Variants in ZC3H12B observed in about 807,000 individuals in gnomAD.
ZC3H12B encodes the protein probable ribonuclease ZC3H12B.
A neutral mutation model predicts 43.9 loss-of-function variants in ZC3H12B; 7 were observed. The observed-to-expected ratio is 0.16, with a 90% CI of 0.09 to 0.30. The LOEUF (loss-of-function observed/expected upper bound fraction) is 0.30. ZC3H12B is among the 10% of genes least tolerant of loss of function. The pLI, the probability that ZC3H12B is intolerant of heterozygous loss-of-function variation, is 1.00. For synonymous variants in ZC3H12B, 222 were observed against 241.7 expected, an observed-to-expected ratio of 0.92 and a Z score of 0.76; for missense variants, 475 against 670.2, an observed-to-expected ratio of 0.71 and a Z score of 3.22.
the ZC3H12B span, among the ~76,000 whole-genome samples, chrX:65,085,630 G>A: frequency 9.1e-6 from 1 of 109,971 alleles, no homozygotes; most frequent in Non-Finnish European, 1.9e-5. Context: ...AAATTAGCCA[G>A]GCCTGGTTTG....
intron 2 of ZC3H12B, among the ~76,000 whole-genome samples, chrX:65,374,099 C>CTATATAGTTATATATAACTA (rs2066308480): frequency 1.8e-5 from 1 of 56,306 alleles, no homozygotes; most frequent in African/African-American, 1.3e-4. Context: ...ATATATATAA[C>CTATATAGTTATATATAACTA]TATATATAGG....
At chrX:65,187,626 G>A in the ZC3H12B span, among the ~76,000 whole-genome samples, 1 of 108,377 alleles carries the variant, frequency 9.2e-6, no homozygotes, top group Non-Finnish European at 1.9e-5. Context: ...TTTTGCACCA[G>A]CCCAACCTAA....
At chrX:65,461,200 G>C (rs1412369570) in intron 3 of ZC3H12B, among the ~76,000 whole-genome samples, 1 of 111,916 alleles carries the variant, frequency 8.9e-6, no homozygotes, top group African/African-American at 3.2e-5. Flanking sequence ...AAAAAGTCAG[G>C]AAACAACAGG....
At chrX:65,140,528 G>A in the ZC3H12B span, among the ~76,000 whole-genome samples, 2 of 111,615 alleles carry the variant, frequency 1.8e-5, no homozygotes, top group Non-Finnish European at 3.8e-5. Flanking sequence ...TTACATCTAT[G>A]TTCATCAGAG....
At chrX:65,328,362 G>C in the ZC3H12B span, 2 of 238,546 alleles carry the variant, frequency 8.4e-6, no homozygotes, top group South Asian at 1.2e-4. Flanking sequence ...CTTGTAATTT[G>C]CATGATCCTT....
At chrX:65,362,619 C>T (rs1674467362), upstream of ZC3H12B, among the ~76,000 whole-genome samples, 2 of 110,389 alleles carry the variant, frequency 1.8e-5, no homozygotes, top group Non-Finnish European at 3.8e-5. Flanking sequence ...TCTACTCCCT[C>T]CCTGGCAACC....
chrX:65,224,050 C>T, the ZC3H12B span, among the ~76,000 whole-genome samples: 5 of 112,088 alleles, frequency 4.5e-5, no homozygotes, highest in African/African-American at 9.7e-5. Flanking sequence ...TGGAACCAGA[C>T]CAAATGCCCA....
the ZC3H12B span, chrX:65,187,107 C>A: frequency 2.7e-5 from 3 of 112,038 alleles, no homozygotes; most frequent in African/African-American, 9.7e-5. Context: ...GGAATCTCCC[C>A]ACTGTTTTTC....
At chrX:65,249,422 T>C in the ZC3H12B span, among the ~76,000 whole-genome samples, 2 of 112,346 alleles carry the variant, frequency 1.8e-5, no homozygotes. Context: ...GTCTAATTGG[T>C]ACTTTTATAC....
chrX:65,268,822 A>T, the ZC3H12B span, among the ~76,000 whole-genome samples: 1 of 112,118 alleles, frequency 8.9e-6, no homozygotes, highest in East Asian at 2.8e-4. Context: ...TTTCACTAGG[A>T]TATAATACAA....
chrX:65,294,286 C>G, the ZC3H12B span, among the ~76,000 whole-genome samples: 3 of 111,533 alleles, frequency 2.7e-5, no homozygotes, highest in South Asian at 1.1e-3. Flanking sequence ...GATATAGTCC[C>G]TTTCAGAAAA....
the ZC3H12B span, among the ~76,000 whole-genome samples, chrX:65,120,039 G>C: frequency 1.7e-4 from 19 of 111,869 alleles, no homozygotes; most frequent in African/African-American, 6.2e-4. Context: ...ATGCTGTTTT[G>C]GTTACTGTAG....
At chrX:65,385,266 T>C (rs2066505902) in intron 2 of ZC3H12B, among the ~76,000 whole-genome samples, 1 of 112,239 alleles carries the variant, frequency 8.9e-6, no homozygotes, top group Non-Finnish European at 1.9e-5. Flanking sequence ...CGATTTTGAT[T>C]CTTTCTATCC....
chrX:65,186,257 CGAG>C, the ZC3H12B span: 1 of 110,479 alleles, frequency 9.1e-6, no homozygotes. Context: ...TTTGGGAGGC[CGAG>C]GTGGGTGGAT....
At chrX:65,297,653 AT>A in the ZC3H12B span, among the ~76,000 whole-genome samples, 1 of 111,091 alleles carries the variant, frequency 9.0e-6, no homozygotes, top group African/African-American at 3.3e-5. Context: ...AAATCCTAAA[AT>A]TTACATGGAA....
At chrX:65,202,985 T>A in the ZC3H12B span, among the ~76,000 whole-genome samples, 1 of 111,692 alleles carries the variant, frequency 9.0e-6, no homozygotes, top group Non-Finnish European at 1.9e-5. Context: ...CACTCTCCCC[T>A]GTTTTTCAAT....
chrX:65,201,366 T>G, the ZC3H12B span, among the ~76,000 whole-genome samples: 1 of 111,945 alleles, frequency 8.9e-6, no homozygotes, highest in Non-Finnish European at 1.9e-5. Flanking sequence ...CTGATGGTTG[T>G]TTGTTTTTCC....
At chrX:65,453,403 T>TATAA (rs2067551786) in intron 3 of ZC3H12B, among the ~76,000 whole-genome samples, 1 of 67,922 alleles carries the variant, frequency 1.5e-5, no homozygotes, top group Non-Finnish European at 2.7e-5. Context: ...TATATATATA[T>TATAA]AAAATAGAAT....
At chrX:65,091,911 C>G in the ZC3H12B span, among the ~76,000 whole-genome samples, 4 of 112,182 alleles carry the variant, frequency 3.6e-5, no homozygotes, top group South Asian at 7.5e-4. Flanking sequence ...TGTCCCCACC[C>G]AAATCTAATG....
Sources: gnomAD v4.1 joint callset for allele counts (sites outside exome capture counted in the v4.1 genomes callset) on GRCh38, gnomAD v4.1.1 for gene constraint, MANE v1.5 for transcripts, NCBI Gene and HGNC (gene_info 2026-07-23, HGNC 2026-07-21) for gene names.